The following PPP1R9A variants were observed in gnomAD, a reference collection of about 807,000 sequenced individuals.
PPP1R9A encodes protein phosphatase 1 regulatory subunit 9A.
A neutral mutation model predicts 141.9 loss-of-function variants in PPP1R9A; 59 were observed. That is an observed-to-expected ratio of 0.42 (90% CI 0.34 to 0.52). The LOEUF (loss-of-function observed/expected upper bound fraction) is 0.52, where lower values mean the gene tolerates loss of function less well. Among genes scored for constraint, PPP1R9A ranks in the 20% least tolerant of loss-of-function variants. PPP1R9A has a pLI of 0.10. For synonymous variants in PPP1R9A, 500 were observed against 569.7 expected, an observed-to-expected ratio of 0.88 and a Z score of 1.74; for missense variants, 1,444 against 1,611.9, an observed-to-expected ratio of 0.90 and a Z score of 1.78.
chr7:95,203,985 A>G (rs1242807684), intron 7 of PPP1R9A, among the ~76,000 whole-genome samples: 2 of 152,162 alleles, frequency 1.3e-5, no homozygotes, highest in Admixed American at 6.5e-5. Context: ...TTAACCCCTA[A>G]CACTTTAAAT....
At chr7:95,252,758 G>A (rs981336748) in intron 12 of PPP1R9A, among the ~76,000 whole-genome samples, 5 of 152,210 alleles carry the variant, frequency 3.3e-5, no homozygotes, top group South Asian at 2.1e-4. Context: ...ATGAGCCACC[G>A]CGCCCAGCCA....
intron 5 of PPP1R9A, among the ~76,000 whole-genome samples, chr7:95,169,866 A>T (rs1261764131): frequency 1.3e-5 from 2 of 151,872 alleles, no homozygotes; most frequent in African/African-American, 2.4e-5. Flanking sequence ...ATTTCTGGGC[A>T]TGCAAAGAAT....
chr7:95,028,275 A>G (rs926798204), intron 2 of PPP1R9A, among the ~76,000 whole-genome samples: 1 of 152,152 alleles, frequency 6.6e-6, no homozygotes, highest in Non-Finnish European at 1.5e-5. Flanking sequence ...TAGTAATGCA[A>G]AGTTGGACAA....
chr7:95,286,191 C>T lies in PPP1R9A; in HGVS notation c.3610-15C>T, dbSNP rs200466129. ...ACTGCACTCATTTAACACTGAGCTT[C>T]ATTTATTTTTACAGAATTTTACCTT... On this transcript the variant is annotated splice_polypyrimidine_tract_variant and intron_variant, in intron 17 of 19. Transcript: ENST00000433360. 1.2e-6 allele frequency: 2 copies of T among 1,611,758 alleles called. No homozygotes were observed. The highest frequency in any genetic ancestry group is 4.5e-5 in the East Asian group (2 of 44,826).
intron 2 of PPP1R9A, among the ~76,000 whole-genome samples, chr7:94,913,767 G>A (rs1305151581): frequency 1.3e-5 from 2 of 152,196 alleles, no homozygotes; most frequent in Non-Finnish European, 2.9e-5. Context: ...TCCAATTAAA[G>A]TATTTATTGA....
intron 2 of PPP1R9A, among the ~76,000 whole-genome samples, chr7:94,996,799 GTTTT>G (rs34164253): frequency 1.3e-4 from 14 of 111,634 alleles, no homozygotes; most frequent in Admixed American, 3.9e-4. Flanking sequence ...GATACTCTGT[GTTTT>G]TTTTTTTTTT....
chr7:95,283,866 T>C (rs1804751359), intron 16 of PPP1R9A, among the ~76,000 whole-genome samples, 152 bp from the exon 17 acceptor site: 1 of 152,236 alleles, frequency 6.6e-6, no homozygotes, highest in African/African-American at 2.4e-5. Context: ...CTATTAAGAT[T>C]AGTGTTGTAG....
At chr7:95,048,988 A>G (rs1005620534) in intron 2 of PPP1R9A, among the ~76,000 whole-genome samples, 3 of 150,586 alleles carry the variant, frequency 2.0e-5, no homozygotes, top group African/African-American at 7.5e-5. Context: ...TTTCAAAATC[A>G]TGTTCTACAA....
intron 2 of PPP1R9A, among the ~76,000 whole-genome samples, chr7:94,996,863 C>A (rs1310991830): frequency 7.0e-6 from 1 of 143,664 alleles, no homozygotes; most frequent in Non-Finnish European, 1.5e-5. Flanking sequence ...AGTGCAATGG[C>A]ACAATTGCAG....
intron 2 of PPP1R9A, among the ~76,000 whole-genome samples, chr7:94,982,914 A>G (rs527306704): frequency 7.2e-5 from 11 of 152,076 alleles, no homozygotes; most frequent in Admixed American, 1.3e-4. Context: ...CTGAATGGGT[A>G]TTGCCTAGGT....
rs186430778 is a variant in PPP1R9A at position 95,246,790 on chromosome 7, G to C, written c.2113-683G>C. On this transcript the variant is annotated intron_variant, in intron 8 of 19. Transcript: ENST00000433360. ...TCTTCCCTTACAAAGAAAACAAAGCGGGGGGAGGGACAAGCAAAACAAATG... is the reference window on the plus strand; with the variant it reads ...TCTTCCCTTACAAAGAAAACAAAGCCGGGGGAGGGACAAGCAAAACAAATG... Among the ~76,000 whole-genome samples, 480 of 152,190 alleles carry C rather than the reference G, an allele frequency of 3.2e-3. 4 individuals are homozygous for C. Among genetic ancestry groups the C allele is most frequent in the African/African-American group, 0.011 (451 of 41,530 alleles).
intron 2 of PPP1R9A, among the ~76,000 whole-genome samples, chr7:94,973,855 T>C (rs1238287029): frequency 1.3e-5 from 2 of 151,938 alleles, no homozygotes; most frequent in Non-Finnish European, 2.9e-5. Flanking sequence ...GTAGCTGGAA[T>C]TACAGGCGCA....
At chr7:95,220,174 A>G (rs1794205500) in intron 7 of PPP1R9A, among the ~76,000 whole-genome samples, 1 of 152,132 alleles carries the variant, frequency 6.6e-6, no homozygotes. Flanking sequence ...ATGCTTCGGC[A>G]GAGAGAGGGA....
chr7:95,001,901 T>G (rs1043177012), intron 2 of PPP1R9A, among the ~76,000 whole-genome samples: 13 of 152,228 alleles, frequency 8.5e-5, no homozygotes, highest in African/African-American at 2.9e-4. Context: ...CCTGAGATGC[T>G]TTAATTCAGG....
intron 2 of PPP1R9A, among the ~76,000 whole-genome samples, chr7:95,041,958 C>T (rs895185607): frequency 1.3e-5 from 2 of 151,986 alleles, no homozygotes; most frequent in African/African-American, 4.8e-5. Flanking sequence ...AATCAGAGGT[C>T]AAAATACATG....
chr7:95,111,070 T>C (rs964601532), intron 2 of PPP1R9A, among the ~76,000 whole-genome samples, 189 bp from the exon 3 acceptor site: 2 of 152,226 alleles, frequency 1.3e-5, no homozygotes, highest in African/African-American at 4.8e-5. Flanking sequence ...CGCTTACACA[T>C]TTTAAAAATT....
intron 2 of PPP1R9A, among the ~76,000 whole-genome samples, chr7:95,093,019 A>G (rs1325763157): frequency 2.0e-5 from 3 of 152,182 alleles, no homozygotes; most frequent in Admixed American, 2.0e-4. Flanking sequence ...TGGCATATGT[A>G]TTTACCTTCC....
chr7:95,065,656 T>C (rs1370318634), intron 2 of PPP1R9A, among the ~76,000 whole-genome samples: 1 of 152,194 alleles, frequency 6.6e-6, no homozygotes, highest in Non-Finnish European at 1.5e-5. Flanking sequence ...AACATCCATC[T>C]TCTGCACAGA....
At chr7:94,997,245 T>C (rs1052463311) in intron 2 of PPP1R9A, among the ~76,000 whole-genome samples, 1 of 152,142 alleles carries the variant, frequency 6.6e-6, no homozygotes, top group Non-Finnish European at 1.5e-5. Flanking sequence ...TCTACTAAGT[T>C]TATTATTTCT....
Sources: allele counts gnomAD v4.1 joint callset (sites outside exome capture counted in the v4.1 genomes callset), GRCh38; gene constraint gnomAD v4.1.1; transcripts MANE v1.5; gene names NCBI Gene and HGNC (gene_info 2026-07-23, HGNC 2026-07-21).